SPOCK1: variants seen among roughly 807,000 people sequenced by gnomAD.
SPOCK1 encodes the protein SPARC (osteonectin), cwcv and kazal like domains proteoglycan 1.
In SPOCK1, 23 loss-of-function variants were observed where a neutral mutation model predicts 55.3. The ratio of observed to expected loss-of-function variants is 0.42; its 90% CI spans 0.30 to 0.59. SPOCK1 has a LOEUF of 0.59. Ranked by LOEUF, SPOCK1 falls within the 20% of genes least tolerant of loss-of-function variation. The pLI is 0.22. For missense variants in SPOCK1, 499 were observed against 552.5 expected, an observed-to-expected ratio of 0.90 and a Z score of 0.97; for synonymous variants, 226 against 221.0, an observed-to-expected ratio of 1.02 and a Z score of -0.20.
chr5:136,983,660 G>A (rs2126959133), intron 9 of SPOCK1, among the ~76,000 whole-genome samples: 1 of 150,828 alleles, frequency 6.6e-6, no homozygotes. Flanking sequence ...GGGTTGGTAA[G>A]AAGCAGGTGC....
chr5:137,192,834 T>C (rs1755210779), intron 3 of SPOCK1, among the ~76,000 whole-genome samples: 1 of 152,232 alleles, frequency 6.6e-6, no homozygotes, highest in African/African-American at 2.4e-5. Flanking sequence ...CGGGGTTTAA[T>C]ATGTGCAAAA....
chr5:137,398,905 G>A (rs1274697984), intron 2 of SPOCK1, among the ~76,000 whole-genome samples: 1 of 152,134 alleles, frequency 6.6e-6, no homozygotes, highest in African/African-American at 2.4e-5. Context: ...TAGGTATACA[G>A]CATGCACCAC....
intron 2 of SPOCK1, among the ~76,000 whole-genome samples, chr5:137,474,631 A>C (rs1753800745): frequency 6.6e-6 from 1 of 152,182 alleles, no homozygotes; most frequent in Non-Finnish European, 1.5e-5. Context: ...TAAGCCTAGA[A>C]TATCTTATTA....
At chr5:137,184,173 T>A (rs1236591841) in intron 3 of SPOCK1, among the ~76,000 whole-genome samples, 2 of 152,200 alleles carry the variant, frequency 1.3e-5, no homozygotes, top group African/African-American at 2.4e-5. Flanking sequence ...AAAGTAGGCT[T>A]TTGCAGTGAG....
At chr5:137,026,413 G>A (rs771202910) in intron 6 of SPOCK1, among the ~76,000 whole-genome samples, 11 of 152,114 alleles carry the variant, frequency 7.2e-5, no homozygotes, top group East Asian at 1.9e-4. Context: ...CCAATTACTC[G>A]AAGGCTTTAA....
chr5:137,237,416 A>G (rs538234955), intron 3 of SPOCK1, among the ~76,000 whole-genome samples: 7 of 152,190 alleles, frequency 4.6e-5, no homozygotes, highest in African/African-American at 9.7e-5. Flanking sequence ...AAATGTACAC[A>G]TCTATGAACT....
chr5:137,004,424 C>A (rs1011744861), intron 6 of SPOCK1, among the ~76,000 whole-genome samples: 1 of 152,110 alleles, frequency 6.6e-6, no homozygotes, highest in African/African-American at 2.4e-5. Flanking sequence ...AATCATCTCC[C>A]CTTCTCCTGA....
intron 3 of SPOCK1, among the ~76,000 whole-genome samples, chr5:137,252,399 T>C (rs573904875): frequency 1.3e-5 from 2 of 152,166 alleles, no homozygotes; most frequent in African/African-American, 4.8e-5. Context: ...GAGAAAAACG[T>C]GGATGGCAGT....
intron 5 of SPOCK1, 150 bp downstream of exon 5, chr5:137,112,285 G>A: frequency 2.1e-6 from 2 of 972,508 alleles, no homozygotes. Flanking sequence ...CATGGCCAGA[G>A]AACATCTCTG....
intron 2 of SPOCK1, among the ~76,000 whole-genome samples, chr5:137,284,864 C>A (rs757312409): frequency 6.6e-6 from 1 of 152,164 alleles, no homozygotes; most frequent in Non-Finnish European, 1.5e-5. Context: ...GATGAGGGAA[C>A]AGCTGGTCCC....
chr5:137,367,988 C>T (rs1172452052), intron 2 of SPOCK1, among the ~76,000 whole-genome samples: 1 of 152,240 alleles, frequency 6.6e-6, no homozygotes, highest in Non-Finnish European at 1.5e-5. Flanking sequence ...TTCCTCACCC[C>T]ACTTATACTA....
chr5:137,101,679 T>C (rs937797480), intron 5 of SPOCK1, among the ~76,000 whole-genome samples: 8 of 152,256 alleles, frequency 5.3e-5, no homozygotes, highest in African/African-American at 1.7e-4. Context: ...CAATGGACGA[T>C]GTCTGAACAT....
rs1269348607 is a variant in SPOCK1 at position 136,977,714 on chromosome 5, C to T, written c.*940G>A. 5 of 398,386 alleles carry T rather than the reference C, an allele frequency of 1.3e-5. No homozygotes were observed. Among genetic ancestry groups the T allele is most frequent in the Non-Finnish European group, 4.4e-6 (1 of 225,888 alleles). 24.7% of individuals were successfully genotyped at this position (398,386 alleles called of 1,614,324 possible). A position where few individuals can be genotyped will look rare whatever the true frequency, so the allele number is the denominator to read the frequency against. ...TCGTGTGGGAGTCGCATGGCTTCTG[C>T]GAGAAAAGTGATTTAGGCAGACGGA... On this transcript the variant is annotated 3_prime_UTR_variant, in exon 11 of 11. Transcript: ENST00000394945.
At chr5:137,340,285 CT>C (rs1750390867) in intron 2 of SPOCK1, among the ~76,000 whole-genome samples, 1 of 152,174 alleles carries the variant, frequency 6.6e-6, no homozygotes, top group African/African-American at 2.4e-5. Context: ...GCCGCCTGAA[CT>C]TTTCTACTGA....
At chr5:137,044,001 C>T (rs1752053236) in intron 6 of SPOCK1, among the ~76,000 whole-genome samples, 1 of 152,156 alleles carries the variant, frequency 6.6e-6, no homozygotes, top group African/African-American at 2.4e-5. Context: ...GAACTCTCTA[C>T]TATCTTTGCA....
chr5:137,212,626 G>A (rs2127082706), intron 3 of SPOCK1, among the ~76,000 whole-genome samples: 1 of 152,328 alleles, frequency 6.6e-6, no homozygotes, highest in East Asian at 1.9e-4. Flanking sequence ...TCTTGGTCAG[G>A]TGAGAAGCCC....
chr5:137,155,421 C>T (rs561486203), intron 3 of SPOCK1, among the ~76,000 whole-genome samples: 1 of 152,180 alleles, frequency 6.6e-6, no homozygotes, highest in Admixed American at 6.5e-5. Context: ...AGGCTGATCA[C>T]CTCACTTGGC....
chr5:137,440,844 G>C (rs1246650741), intron 2 of SPOCK1, among the ~76,000 whole-genome samples: 2 of 152,206 alleles, frequency 1.3e-5, no homozygotes, highest in East Asian at 1.9e-4. Context: ...AGTAAAGAAA[G>C]ATGAATGTCT....
chr5:137,251,549 C>T (rs1756529486), intron 3 of SPOCK1, among the ~76,000 whole-genome samples: 1 of 152,186 alleles, frequency 6.6e-6, no homozygotes, highest in South Asian at 2.1e-4. Context: ...AAGGCTGATG[C>T]TCCGATTTGA....
Sources: gnomAD v4.1 joint callset for allele counts (sites outside exome capture counted in the v4.1 genomes callset) on GRCh38, gnomAD v4.1.1 for gene constraint, MANE v1.5 for transcripts, NCBI Gene and HGNC (gene_info 2026-07-23, HGNC 2026-07-21) for gene names.